Variants in KIFAP3 observed in about 807,000 individuals in gnomAD.
KIFAP3 encodes kinesin associated protein 3.
Under a neutral mutation model 106.5 loss-of-function variants are expected in KIFAP3, and 68 were observed. The ratio of observed to expected loss-of-function variants is 0.64; its 90% CI spans 0.53 to 0.78. The LOEUF (loss-of-function observed/expected upper bound fraction) is 0.78. Among genes scored for constraint, KIFAP3 ranks in the 30% least tolerant of loss-of-function variants. The probability of loss-of-function intolerance (pLI) is 0.00; values close to 1 mark genes in which losing one functional copy is unlikely to be tolerated. For missense variants in KIFAP3, 780 were observed against 941.8 expected, an observed-to-expected ratio of 0.83 and a Z score of 2.25; for synonymous variants, 320 against 311.5, an observed-to-expected ratio of 1.03 and a Z score of -0.29.
At chr1:170,041,598 A>G in intron 3 of KIFAP3, 1 of 1,117,796 alleles carries the variant, frequency 8.9e-7, no homozygotes, top group Non-Finnish European at 1.3e-6. Flanking sequence ...AGGCCCGGAG[A>G]TGAGTCCAAG....
intron 10 of KIFAP3, among the ~76,000 whole-genome samples, chr1:169,994,898 T>C (rs1667297247): frequency 6.6e-6 from 1 of 152,026 alleles, no homozygotes. Flanking sequence ...CTAAGGATAA[T>C]GATTATTGAC....
intron 3 of KIFAP3, 110 bp from the exon 4 acceptor site, chr1:170,039,398 T>C: frequency 3.5e-6 from 2 of 576,214 alleles, no homozygotes; most frequent in East Asian, 5.6e-5. Context: ...ATATTAAAAC[T>C]AAATAGTTTA....
At chr1:169,978,282 G>T (rs1183042263) in intron 15 of KIFAP3, 99 bp from the exon 16 acceptor site, 3 of 725,590 alleles carry the variant, frequency 4.1e-6, no homozygotes, top group Admixed American at 4.9e-5. Context: ...AACTAAAAGT[G>T]ATAAGGAGAC....
At chr1:170,077,481 C>G (rs1671943709), upstream of KIFAP3, among the ~76,000 whole-genome samples, 1 of 152,166 alleles carries the variant, frequency 6.6e-6, no homozygotes. Flanking sequence ...TAGAACTTTA[C>G]ATATGACATG....
chr1:169,955,151 G>A (rs1664940636), intron 18 of KIFAP3, among the ~76,000 whole-genome samples: 1 of 152,092 alleles, frequency 6.6e-6, no homozygotes, highest in Non-Finnish European at 1.5e-5. Flanking sequence ...GTGGCCTGCA[G>A]ATAAACATTA....
chr1:169,978,220 T>C (rs1666331246), intron 15 of KIFAP3, 37 bp from the exon 16 acceptor site: 1 of 1,298,054 alleles, frequency 7.7e-7, no homozygotes, highest in African/African-American at 1.5e-5. Context: ...AAGAATACTA[T>C]GTTTATATAC....
At chr1:170,032,171 C>G (rs1669447214) in intron 7 of KIFAP3, 187 bp from the exon 8 acceptor site, 4 of 484,246 alleles carry the variant, frequency 8.3e-6, no homozygotes, top group Non-Finnish European at 1.5e-5. Context: ...TTTAAGTGCT[C>G]ATGGATTCCC....
chr1:169,939,430 A>G (rs1216607298), intron 19 of KIFAP3, among the ~76,000 whole-genome samples: 2 of 152,200 alleles, frequency 1.3e-5, no homozygotes, highest in Non-Finnish European at 2.9e-5. Flanking sequence ...GAACCTGTTT[A>G]TATGTGAGAA....
At chr1:170,076,129 C>T (rs527918272), upstream of KIFAP3, among the ~76,000 whole-genome samples, 2 of 152,194 alleles carry the variant, frequency 1.3e-5, no homozygotes, top group East Asian at 1.9e-4. Context: ...GAACTTATTT[C>T]GTTCACTTTT....
upstream of KIFAP3, among the ~76,000 whole-genome samples, chr1:170,077,515 T>A (rs1255234908): frequency 2.6e-5 from 4 of 152,222 alleles, no homozygotes; most frequent in East Asian, 7.7e-4. Flanking sequence ...AACATGATAC[T>A]GAGTGAAAAA....
At chr1:169,972,105 T>C (rs1490887969) in intron 17 of KIFAP3, among the ~76,000 whole-genome samples, 2 of 151,992 alleles carry the variant, frequency 1.3e-5, no homozygotes, top group Non-Finnish European at 2.9e-5. Flanking sequence ...ACTGTATGTA[T>C]AAAATAAAAC....
rs60799242 is a variant in KIFAP3 at position 169,997,883 on chromosome 1, GAA to G, written c.1184-5630_1184-5629del. Among the ~76,000 whole-genome samples, 575 of 122,974 alleles carry G rather than the reference GAA, an allele frequency of 4.7e-3. 2 individuals carry two copies. Among genetic ancestry groups the G allele is most frequent in the Non-Finnish European group, 7.0e-3 (420 of 60,000 alleles). 80.7% of individuals were successfully genotyped at this position (122,974 alleles called of 152,430 possible). A position where few individuals can be genotyped will look rare whatever the true frequency, so the allele number is the denominator to read the frequency against. ...AGACGTCTCAAAAAAAAAAAAAAAA[GAA>G]AAAAAAAAGGATAAAAAAAAAAAAA... On this transcript the variant is annotated intron_variant, in intron 10 of 19. Coordinates refer to ENST00000361580, the MANE Select transcript of KIFAP3 (RefSeq NM_014970.4).
intron 10 of KIFAP3, among the ~76,000 whole-genome samples, chr1:169,997,267 G>C (rs1359688142): frequency 6.6e-6 from 1 of 152,190 alleles, no homozygotes; most frequent in Admixed American, 6.5e-5. Flanking sequence ...GTGAGGATGA[G>C]ATGAGAGAAT....
At chr1:170,025,768 T>C (rs1669071863) in intron 8 of KIFAP3, among the ~76,000 whole-genome samples, 3 of 152,238 alleles carry the variant, frequency 2.0e-5, no homozygotes, top group Admixed American at 2.0e-4. Context: ...ATATTTACAC[T>C]ATTACATTAT....
Position 169,921,476 on chromosome 1 carries a change from G to GTGAACCATGTGAACCA in KIFAP3, c.*199_*200insTGGTTCACATGGTTCA, listed in dbSNP as rs1334272846. 4.5e-6 allele frequency: 2 copies of GTGAACCATGTGAACCA among 442,836 alleles called. No individual in the cohort carries two copies. The highest frequency in any genetic ancestry group is 8.1e-6 in the Non-Finnish European group (2 of 245,744). 27.4% of individuals were successfully genotyped at this position (442,836 alleles called of 1,614,324 possible). A position where few individuals can be genotyped will look rare whatever the true frequency, so the allele number is the denominator to read the frequency against. ...ACTTAGCATCAAGATGTGGTTTGAT[G>GTGAACCATGTGAACCA]AGTGAACAATGTCAGTATCAACTGT... On this transcript the variant is annotated 3_prime_UTR_variant, in exon 20 of 20. Coordinates refer to ENST00000361580, the MANE Select transcript of KIFAP3 (RefSeq NM_014970.4).
At chr1:170,050,590 A>C (rs1165294090) in intron 2 of KIFAP3, among the ~76,000 whole-genome samples, 1 of 152,244 alleles carries the variant, frequency 6.6e-6, no homozygotes, top group Non-Finnish European at 1.5e-5. Context: ...GAGCAGCCAG[A>C]GAGAAAGGTC....
chr1:169,957,503 T>C (rs751957243), intron 18 of KIFAP3, among the ~76,000 whole-genome samples: 2 of 152,204 alleles, frequency 1.3e-5, no homozygotes, highest in African/African-American at 4.8e-5. Context: ...TTCTGATTTC[T>C]GAAAGCCAGT....
intron 10 of KIFAP3, among the ~76,000 whole-genome samples, chr1:170,006,132 C>T (rs548427311): frequency 5.3e-5 from 8 of 152,076 alleles, no homozygotes; most frequent in East Asian, 3.9e-4. Context: ...CTAAATAAGA[C>T]GAAAGGTTCA....
At chr1:170,006,089 A>T (rs531682667) in intron 10 of KIFAP3, among the ~76,000 whole-genome samples, 95 of 152,212 alleles carry the variant, frequency 6.2e-4, no homozygotes, top group Non-Finnish European at 1.2e-3. Context: ...AACCTATTTT[A>T]TCAGAATAGG....
Sources: gnomAD v4.1 joint callset for allele counts (sites outside exome capture counted in the v4.1 genomes callset) on GRCh38, gnomAD v4.1.1 for gene constraint, MANE v1.5 for transcripts, NCBI Gene and HGNC (gene_info 2026-07-23, HGNC 2026-07-21) for gene names.